Variants in F8 observed in about 807,000 individuals in gnomAD.
F8 encodes the protein coagulation factor VIII.
A neutral mutation model predicts 140.6 loss-of-function variants in F8; 12 were observed. That is an observed-to-expected ratio of 0.09 (90% CI 0.05 to 0.14). The LOEUF is 0.14. Ranked by LOEUF, F8 falls within the 10% of genes least tolerant of loss-of-function variation. The probability of loss-of-function intolerance (pLI) is 1.00; values close to 1 mark genes in which losing one functional copy is unlikely to be tolerated. For missense variants in F8, 1,354 were observed against 1,720.7 expected, an observed-to-expected ratio of 0.79 and a Z score of 3.77; for synonymous variants, 585 against 614.6, an observed-to-expected ratio of 0.95 and a Z score of 0.71.
At chrX:154,871,863 C>T (rs2072776301) in intron 22 of F8, among the ~76,000 whole-genome samples, 1 of 111,828 alleles carries the variant, frequency 8.9e-6, no homozygotes, top group South Asian at 3.7e-4. Context: ...AAAAAACAAA[C>T]AACCCCATCA....
At chrX:155,001,013 T>C (rs1208182586) in intron 1 of F8, among the ~76,000 whole-genome samples, 1 of 111,574 alleles carries the variant, frequency 9.0e-6, no homozygotes, top group Non-Finnish European at 1.9e-5. Flanking sequence ...ATGCCTCAGA[T>C]TACCAGGATG....
At chrX:154,975,408 T>C (rs187667990) in intron 6 of F8, among the ~76,000 whole-genome samples, 81 of 112,467 alleles carry the variant, frequency 7.2e-4, no homozygotes, top group Middle Eastern at 9.2e-3. Context: ...TGATTTATAG[T>C]TTTATTCCAT....
At chrX:154,960,049 G>A (rs1569559830) in intron 10 of F8, among the ~76,000 whole-genome samples, 1 of 111,678 alleles carries the variant, frequency 9.0e-6, no homozygotes. Context: ...GGAAAAGTGA[G>A]GGGTACAGTT....
intron 3 of F8, among the ~76,000 whole-genome samples, chrX:154,996,436 T>C (rs797031624): frequency 1.8e-5 from 2 of 112,273 alleles, no homozygotes; most frequent in Middle Eastern, 4.6e-3. Flanking sequence ...CCCCTAAGTA[T>C]AGGATTACCT....
At chrX:154,842,918 G>C (rs782388986) in intron 25 of F8, among the ~76,000 whole-genome samples, 7 of 111,499 alleles carry the variant, frequency 6.3e-5, no homozygotes, top group Admixed American at 3.8e-4. Flanking sequence ...TTTACATTAG[G>C]TATATCTCCT....
At chrX:154,888,408 C>CTTTTTTTTTTTTT (rs1557274896) in intron 22 of F8, among the ~76,000 whole-genome samples, 1,990 of 51,851 alleles carry the variant, frequency 0.038, 29 homozygotes, top group Non-Finnish European at 0.05. Context: ...TTTTTTTTTC[C>CTTTTTTTTTTTTT]CCCCGAGATG....
Position 154,928,914 on chromosome X carries a change from T to C in F8, c.4876A>G (p.Asn1626Asp). The C allele has an allele frequency of 8.3e-7, 1 of 1,211,917 alleles. No homozygotes were observed. Among genetic ancestry groups the C allele is most frequent in the East Asian group, 3.0e-5 (1 of 33,863 alleles). The change falls in exon 14 of 26, where the codon AAT becomes GAT. Residue 1626 changes from asparagine (N) to aspartate (D), a missense_variant. Physicochemically the swap from Asn to Asp is conservative, Grantham distance 23. Transcript: ENST00000360256. ...TCATTTATTGCTGCTATTGCATGAT[T>C]GCTTTCACAAGCGTTCAGGGACAAA... ...TILSLNACES[N>D]HAIAAINEGQ...
chrX:154,859,459 C>G (rs1454600296), intron 25 of F8, among the ~76,000 whole-genome samples: 1 of 109,104 alleles, frequency 9.2e-6, no homozygotes, highest in Non-Finnish European at 1.9e-5. Flanking sequence ...CCCGCCACCA[C>G]GCTTGGCTAA....
intron 6 of F8, among the ~76,000 whole-genome samples, chrX:154,980,284 G>GCT (rs1383293237): frequency 9.0e-6 from 1 of 111,586 alleles, no homozygotes; most frequent in Admixed American, 9.5e-5. Flanking sequence ...GATCAATTCT[G>GCT]TTGCTGATGT....
chrX:154,996,152 A>G (rs1284493102), intron 3 of F8, among the ~76,000 whole-genome samples: 2 of 111,991 alleles, frequency 1.8e-5, no homozygotes, highest in African/African-American at 6.5e-5. Context: ...AACTACGAAT[A>G]CATGTAACTC....
chrX:154,837,570 C>T lies in F8; in HGVS notation c.*27G>A, dbSNP rs1046500212. Reference sequence around the variant, plus strand: ...GGAGCTGAGGAGGGAGAGGTGACGGCAGTGGCAGGTGCTGCAGTGGCCACC... The same window carrying T: ...GGAGCTGAGGAGGGAGAGGTGACGGTAGTGGCAGGTGCTGCAGTGGCCACC... On this transcript the variant is annotated 3_prime_UTR_variant, in exon 26 of 26. Transcript: ENST00000360256. The T allele has an allele frequency of 2.5e-6, 3 of 1,181,331 alleles. No homozygotes were observed. Among genetic ancestry groups the T allele is most frequent in the African/African-American group, 3.5e-5 (2 of 56,490 alleles).
intron 1 of F8, among the ~76,000 whole-genome samples, chrX:155,022,099 G>C (rs1017482232): frequency 9.0e-6 from 1 of 111,701 alleles, no homozygotes; most frequent in Non-Finnish European, 1.9e-5. Flanking sequence ...GGCAGGCAGA[G>C]GGAAGTTTTG....
intron 1 of F8, among the ~76,000 whole-genome samples, chrX:155,000,568 G>C (rs1333184784): frequency 8.9e-6 from 1 of 112,314 alleles, no homozygotes; most frequent in African/African-American, 3.2e-5. Context: ...TTAAGGCTTA[G>C]TTGGAGAAAG....
chrX:154,862,020 T>G (rs376987594), intron 23 of F8, among the ~76,000 whole-genome samples, 154 bp from the exon 24 acceptor site: 90 of 111,410 alleles, frequency 8.1e-4, no homozygotes, highest in African/African-American at 2.9e-3. Flanking sequence ...TTTTTTGTTT[T>G]GTTTTGTTTT....
chrX:154,918,351 G>A lies in F8; in HGVS notation c.5219+10220C>T, dbSNP rs1603433411. On this transcript the variant is annotated intron_variant, in intron 14 of 25. Transcript: ENST00000360256. ...GCAGCCAATGTGTTTTGCATGCTGG[G>A]GTTGCTAGCCCCGCCTCCATCCTTT... Among the ~76,000 whole-genome samples, 5 of 111,110 alleles carry A rather than the reference G, an allele frequency of 4.5e-5. 1 individual carries two copies. In the Admixed American group the frequency reaches 4.8e-4, roughly 11 times the overall value.
chrX:154,854,869 C>T (rs139554952), intron 25 of F8, among the ~76,000 whole-genome samples: 15,385 of 111,148 alleles, frequency 0.14, 922 homozygotes, highest in South Asian at 0.35. Context: ...CGGTGGCTCA[C>T]GCCTGTAATC....
intron 1 of F8, among the ~76,000 whole-genome samples, chrX:155,004,361 GA>G (rs2073665615): frequency 8.9e-6 from 1 of 112,242 alleles, no homozygotes; most frequent in Non-Finnish European, 1.9e-5. Context: ...GAAGGAAATT[GA>G]ATCTACAAAG....
intron 1 of F8, among the ~76,000 whole-genome samples, chrX:155,019,712 C>T (rs1215594343): frequency 9.0e-6 from 1 of 110,505 alleles, no homozygotes; most frequent in Non-Finnish European, 1.9e-5. Context: ...AGGAGAATTG[C>T]TTGAATCCAG....
chrX:154,996,874 T>C (rs782325146), intron 3 of F8, 99 bp downstream of exon 3: 3 of 914,051 alleles, frequency 3.3e-6, no homozygotes, highest in South Asian at 4.0e-5. Context: ...AATGTTCAGT[T>C]AGGACCTTAA....
Sources: allele counts gnomAD v4.1 joint callset (sites outside exome capture counted in the v4.1 genomes callset), GRCh38; gene constraint gnomAD v4.1.1; transcripts MANE v1.5; gene names NCBI Gene and HGNC (gene_info 2026-07-23, HGNC 2026-07-21).